The following NPFFR2 variants were observed in gnomAD, a reference collection of about 807,000 sequenced individuals.
NPFFR2 encodes the protein G-protein coupled receptor 74.
A neutral mutation model predicts 13.1 loss-of-function variants in NPFFR2; 15 were observed. The observed-to-expected ratio is 1.15, with a 90% CI of 0.77 to 1.76. The LOEUF is 1.76. Among genes scored for constraint, NPFFR2 ranks in the 40% most tolerant of loss-of-function variants. NPFFR2 has a pLI of 0.00. For missense variants in NPFFR2, 572 were observed against 503.5 expected (o/e 1.14, Z -1.30); for synonymous variants, 190 against 175.7 (o/e 1.08, Z -0.65).
chr4:72,136,331 A>G (rs951531784), intron 2 of NPFFR2, among the ~76,000 whole-genome samples: 8 of 152,110 alleles, frequency 5.3e-5, no homozygotes, highest in African/African-American at 1.7e-4. Context: ...ACAGTGAACC[A>G]TGATCACGCC....
At chr4:72,084,482 C>T (rs1264871109) in intron 1 of NPFFR2, among the ~76,000 whole-genome samples, 3 of 152,090 alleles carry the variant, frequency 2.0e-5, no homozygotes, top group Non-Finnish European at 4.4e-5. Flanking sequence ...AATAAAATGA[C>T]TATATCAAAA....
chr4:72,127,355 C>CTTTTT lies in NPFFR2; in HGVS notation c.-7-1226_-7-1225insTTTTT, dbSNP rs1341571145. Among the ~76,000 whole-genome samples the CTTTTT allele has an allele frequency of 3.3e-3, 301 of 91,190 alleles. 13 individuals carry two copies. Among genetic ancestry groups the CTTTTT allele is most frequent in the African/African-American group, 0.013 (284 of 21,698 alleles). The allele number at this position is 91,190 out of a possible 152,430, so 59.8% of individuals were successfully genotyped here. On this transcript the variant is annotated intron_variant, in intron 1 of 3. Coordinates refer to ENST00000308744, the MANE Select transcript of NPFFR2 (RefSeq NM_004885.3). Reference sequence around the variant, plus strand: ...AAGTCATACAGATTCTAAATAATTTCTTTTCTTTTTTTTTTTTTTTTTTTT... The same window carrying CTTTTT: ...AAGTCATACAGATTCTAAATAATTTCTTTTTTTTTCTTTTTTTTTTTTTTTTTTTT...
intron 2 of NPFFR2, among the ~76,000 whole-genome samples, chr4:72,137,251 AAT>A (rs1235199561): frequency 6.6e-6 from 1 of 152,162 alleles, no homozygotes; most frequent in Non-Finnish European, 1.5e-5. Flanking sequence ...AAATTAAAAA[AAT>A]AAATTTCAAA....
chr4:72,141,058 T>C (rs1676414521), intron 3 of NPFFR2, among the ~76,000 whole-genome samples: 1 of 152,210 alleles, frequency 6.6e-6, no homozygotes, highest in South Asian at 2.1e-4. Flanking sequence ...GAGGTGTTTA[T>C]AGTATTCTCT....
At chr4:72,076,016 G>T (rs1446759535) in intron 1 of NPFFR2, among the ~76,000 whole-genome samples, 1 of 11,448 alleles carries the variant, frequency 8.7e-5, no homozygotes, top group Non-Finnish European at 3.1e-4. Flanking sequence ...CAGAGAGAGA[G>T]AGAGGGCAGA....
At chr4:72,064,880 A>C (rs776444486) in intron 1 of NPFFR2, among the ~76,000 whole-genome samples, 1 of 152,164 alleles carries the variant, frequency 6.6e-6, no homozygotes, top group Non-Finnish European at 1.5e-5. Flanking sequence ...GGAAAAGAAG[A>C]GCTTCGAATG....
At chr4:72,145,936 TAAC>T (rs1722768810) in intron 3 of NPFFR2, among the ~76,000 whole-genome samples, 1 of 152,136 alleles carries the variant, frequency 6.6e-6, no homozygotes, top group Non-Finnish European at 1.5e-5. Context: ...TCAATAATAA[TAAC>T]AAGATCCACA....
chr4:72,043,168 G>A (rs1389833661), intron 1 of NPFFR2, among the ~76,000 whole-genome samples: 1 of 152,192 alleles, frequency 6.6e-6, no homozygotes, highest in Non-Finnish European at 1.5e-5. Flanking sequence ...GTGCACAGAA[G>A]ACAAGAATTG....
chr4:72,134,741 T>A (rs992425309), intron 2 of NPFFR2, among the ~76,000 whole-genome samples: 6 of 152,156 alleles, frequency 3.9e-5, no homozygotes, highest in Non-Finnish European at 8.8e-5. Flanking sequence ...TTTAAACATA[T>A]CAGGTATCTA....
chr4:72,055,542 C>G (rs1289160033), intron 1 of NPFFR2, among the ~76,000 whole-genome samples: 1 of 151,926 alleles, frequency 6.6e-6, no homozygotes, highest in African/African-American at 2.4e-5. Context: ...ATTAATAACC[C>G]TACAATGGCC....
intron 1 of NPFFR2, among the ~76,000 whole-genome samples, chr4:72,092,588 A>T (rs1035329742): frequency 1.3e-5 from 2 of 151,928 alleles, no homozygotes; most frequent in African/African-American, 4.8e-5. Context: ...ATCATCGTAT[A>T]TTGTCCTTCT....
chr4:72,037,587 T>C (rs1264479266), intron 1 of NPFFR2, among the ~76,000 whole-genome samples: 1 of 152,036 alleles, frequency 6.6e-6, no homozygotes, highest in African/African-American at 2.4e-5. Flanking sequence ...CTCAGCAGAG[T>C]TCGTAGTCTT....
chr4:72,140,099 AT>A (rs1722555752), intron 3 of NPFFR2, among the ~76,000 whole-genome samples: 1 of 152,118 alleles, frequency 6.6e-6, no homozygotes, highest in South Asian at 2.1e-4. Context: ...ATTTTTGCAC[AT>A]TGATTTTGTA....
intron 1 of NPFFR2, among the ~76,000 whole-genome samples, chr4:72,125,418 A>G (rs1373405878): frequency 1.3e-5 from 2 of 152,224 alleles, no homozygotes; most frequent in Admixed American, 1.3e-4. Flanking sequence ...ATCTCAGGTA[A>G]TACTACAAAA....
chr4:72,035,241 C>T (rs1373495706), intron 1 of NPFFR2, among the ~76,000 whole-genome samples: 1 of 152,148 alleles, frequency 6.6e-6, no homozygotes, highest in Non-Finnish European at 1.5e-5. Context: ...ATAGAATGAT[C>T]TATTATGCTG....
At chr4:72,120,074 G>C (rs1294786907) in intron 1 of NPFFR2, among the ~76,000 whole-genome samples, 1 of 152,146 alleles carries the variant, frequency 6.6e-6, no homozygotes, top group African/African-American at 2.4e-5. Flanking sequence ...GTAGACCTGG[G>C]AGGCTCCAGC....
intron 2 of NPFFR2, among the ~76,000 whole-genome samples, chr4:72,129,855 G>A (rs1397620455): frequency 1.7e-5 from 1 of 60,064 alleles, no homozygotes; most frequent in Non-Finnish European, 3.2e-5. Context: ...AGAAACCTTG[G>A]ACAATACCTG....
chr4:72,137,773 G>T (rs1722462884), intron 2 of NPFFR2, among the ~76,000 whole-genome samples: 1 of 152,180 alleles, frequency 6.6e-6, no homozygotes, highest in Non-Finnish European at 1.5e-5. Flanking sequence ...TCAAAAGCCT[G>T]TTGTGAGGAT....
intron 1 of NPFFR2, among the ~76,000 whole-genome samples, chr4:72,037,452 T>C (rs1457009409): frequency 2.0e-5 from 3 of 151,528 alleles, no homozygotes; most frequent in Admixed American, 6.6e-5. Flanking sequence ...AAATTTTCCT[T>C]CTCATTTTAC....
Sources: allele counts gnomAD v4.1 joint callset (sites outside exome capture counted in the v4.1 genomes callset), GRCh38; gene constraint gnomAD v4.1.1; transcripts MANE v1.5; gene names NCBI Gene and HGNC (gene_info 2026-07-23, HGNC 2026-07-21).